KPNA1: variants seen among roughly 807,000 people sequenced by gnomAD.
KPNA1 encodes importin subunit alpha-5.
A neutral mutation model predicts 70.5 loss-of-function variants in KPNA1; 10 were observed. The observed-to-expected ratio is 0.14, with a 90% CI of 0.09 to 0.24. KPNA1 has a LOEUF of 0.24. Ranked by LOEUF, KPNA1 falls within the 10% of genes least tolerant of loss-of-function variation. The pLI, the probability that KPNA1 is intolerant of heterozygous loss-of-function variation, is 1.00. For synonymous variants in KPNA1, 192 were observed against 221.9 expected (o/e 0.87, Z 1.20); for missense variants, 397 against 637.9 (o/e 0.62, Z 4.07).
chr3:122,473,342 T>C (rs374594933), intron 2 of KPNA1, among the ~76,000 whole-genome samples: 47 of 152,334 alleles, frequency 3.1e-4, no homozygotes, highest in East Asian at 2.1e-3. Context: ...CTACACAAGA[T>C]AGAAGCAGAA....
At chr3:122,451,415 G>T in intron 8 of KPNA1, 119 bp downstream of exon 8, 1 of 610,714 alleles carries the variant, frequency 1.6e-6, no homozygotes. Context: ...TCCAAAAACA[G>T]ATAAAATTCT....
At chr3:122,428,543 G>A (rs1262189251) in intron 12 of KPNA1, among the ~76,000 whole-genome samples, 1 of 152,042 alleles carries the variant, frequency 6.6e-6, no homozygotes, top group Non-Finnish European at 1.5e-5. Flanking sequence ...TCATGAAAGA[G>A]AATCATCACT....
chr3:122,440,345 T>A (rs1001582297), intron 10 of KPNA1, among the ~76,000 whole-genome samples: 1 of 152,128 alleles, frequency 6.6e-6, no homozygotes. Context: ...GCAGAGAATG[T>A]GGATATGTGT....
intron 1 of KPNA1, among the ~76,000 whole-genome samples, chr3:122,511,408 TG>T (rs1381640572): frequency 1.3e-5 from 2 of 152,254 alleles, no homozygotes; most frequent in East Asian, 3.8e-4. Flanking sequence ...ATCCACATTC[TG>T]GATTACTGCC....
intron 1 of KPNA1, among the ~76,000 whole-genome samples, chr3:122,513,004 G>A (rs1212081803): frequency 6.6e-6 from 1 of 152,116 alleles, no homozygotes; most frequent in Non-Finnish European, 1.5e-5. Context: ...ATGAGAACAG[G>A]GACAGTGAGT....
At chr3:122,440,851 C>A (rs1223746652) in intron 10 of KPNA1, among the ~76,000 whole-genome samples, 2 of 152,254 alleles carry the variant, frequency 1.3e-5, no homozygotes, top group South Asian at 2.1e-4. Flanking sequence ...TTCACTGATA[C>A]AGGGAACATA....
At chr3:122,473,092 T>C (rs1336557866) in intron 2 of KPNA1, among the ~76,000 whole-genome samples, 1 of 151,718 alleles carries the variant, frequency 6.6e-6, no homozygotes, top group East Asian at 1.9e-4. Context: ...AAAATAAAAA[T>C]AAAAAAAGAA....
At chr3:122,432,940 G>A (rs1001536181) in intron 12 of KPNA1, 4 of 152,262 alleles carry the variant, frequency 2.6e-5, no homozygotes, top group Admixed American at 1.3e-4. Flanking sequence ...AATTAGCTGG[G>A]TGTGGTGGCA....
chr3:122,513,281 A>G (rs1394662890), intron 1 of KPNA1, among the ~76,000 whole-genome samples: 2 of 152,236 alleles, frequency 1.3e-5, no homozygotes, highest in Admixed American at 1.3e-4. Flanking sequence ...TATGTAAAGC[A>G]TTTAACACAA....
intron 1 of KPNA1, among the ~76,000 whole-genome samples, chr3:122,509,885 C>T (rs1229560773): frequency 6.6e-6 from 1 of 152,108 alleles, no homozygotes; most frequent in Non-Finnish European, 1.5e-5. Context: ...TATAAAGGTC[C>T]ATGGAATGCC....
chr3:122,501,640 A>C (rs1295797632), intron 1 of KPNA1, among the ~76,000 whole-genome samples: 3 of 152,206 alleles, frequency 2.0e-5, no homozygotes, highest in Non-Finnish European at 2.9e-5. Flanking sequence ...AACACTTGCT[A>C]TCCTGGAAAA....
intron 5 of KPNA1, 60 bp downstream of exon 5, chr3:122,461,164 C>T (rs56074178): frequency 2.8e-6 from 3 of 1,079,260 alleles, no homozygotes; most frequent in Admixed American, 4.5e-5. Flanking sequence ...AATTTGTGTA[C>T]AAAATAAAAA....
At chr3:122,429,511 A>C (rs1447779146) in intron 12 of KPNA1, among the ~76,000 whole-genome samples, 1 of 151,912 alleles carries the variant, frequency 6.6e-6, no homozygotes, top group African/African-American at 2.4e-5. Flanking sequence ...TAAATCTAAT[A>C]AATATGTACA....
intron 1 of KPNA1, among the ~76,000 whole-genome samples, chr3:122,511,659 A>G (rs539985355): frequency 6.6e-6 from 1 of 152,370 alleles, no homozygotes; most frequent in Non-Finnish European, 1.5e-5. Flanking sequence ...ATCAGCCCAA[A>G]TCAGCTAATT....
chr3:122,488,425 G>C (rs1027160556), intron 2 of KPNA1, among the ~76,000 whole-genome samples: 6 of 152,160 alleles, frequency 3.9e-5, no homozygotes, highest in African/African-American at 1.4e-4. Context: ...GGGAGGCTGA[G>C]GTGAATCACT....
intron 1 of KPNA1, among the ~76,000 whole-genome samples, chr3:122,509,273 C>T (rs1053189412): frequency 6.6e-6 from 1 of 150,928 alleles, no homozygotes; most frequent in Admixed American, 6.6e-5. Context: ...AAAGATAAAA[C>T]CAAGTAAAGG....
In KPNA1 at chr3:122,477,464, C is replaced by T. The variant is rs114395866; in HGVS notation, c.130-10035G>A. 6.7e-3 allele frequency among the ~76,000 whole-genome samples: 1,016 copies of T among 152,116 alleles called. 5 individuals carry two copies. Among genetic ancestry groups the T allele is most frequent in the African/African-American group, 0.023 (973 of 41,484 alleles). On this transcript the variant is annotated intron_variant, in intron 2 of 13. Coordinates refer to ENST00000344337, the MANE Select transcript of KPNA1 (RefSeq NM_002264.4). ...CCTGAAATCCCAGCAATTTGGAAGG[C>T]TGAGGACGGAGGATCATTTGAGACC...
intron 5 of KPNA1, among the ~76,000 whole-genome samples, chr3:122,458,171 T>C (rs2076284983): frequency 6.6e-6 from 1 of 152,196 alleles, no homozygotes; most frequent in Non-Finnish European, 1.5e-5. Flanking sequence ...ATAAGAAAGT[T>C]TGGGAATGCC....
At chr3:122,501,913 C>A (rs527326966) in intron 1 of KPNA1, among the ~76,000 whole-genome samples, 84 of 152,266 alleles carry the variant, frequency 5.5e-4, no homozygotes, top group Middle Eastern at 3.4e-3. Context: ...TTTCCAGAGG[C>A]TTTCCATGGT....
Sources: gnomAD v4.1 joint callset for allele counts (sites outside exome capture counted in the v4.1 genomes callset) on GRCh38, gnomAD v4.1.1 for gene constraint, MANE v1.5 for transcripts, NCBI Gene and HGNC (gene_info 2026-07-23, HGNC 2026-07-21) for gene names.